The following SERINC4 variants were observed in gnomAD, a reference collection of about 807,000 sequenced individuals.
The protein encoded by SERINC4 is serine incorporator 4.
A neutral mutation model predicts 52.0 loss-of-function variants in SERINC4; 52 were observed. The observed-to-expected ratio is 1.00, with a 90% CI of 0.80 to 1.26. SERINC4 has a LOEUF of 1.26. SERINC4 is among the 50% of genes most tolerant of loss of function. The probability of loss-of-function intolerance (pLI) is 0.00; values close to 1 mark genes in which losing one functional copy is unlikely to be tolerated. For synonymous variants in SERINC4, 264 were observed against 247.7 expected, an observed-to-expected ratio of 1.07 and a Z score of -0.62; for missense variants, 723 against 632.8, an observed-to-expected ratio of 1.14 and a Z score of -1.53.
intron 3 of SERINC4, chr15:43,798,712 A>T: frequency 3.2e-6 from 2 of 624,078 alleles, no homozygotes; most frequent in Non-Finnish European, 5.7e-6. Context: ...ACTTAATAGC[A>T]TCTGGGCAAT....
chr15:43,796,177 T>A lies in SERINC4; in HGVS notation c.1118A>T (p.Lys373Met). Residue 373 changes from lysine to methionine, a missense_variant, in exon 9 of 12, where the codon AAG (lysine) becomes ATG (methionine). Transcript: ENST00000319327. ...CACCTGAAACTCATAGCTGTAAACC[T>A]TGACAATCCACAGGGGTCCAAATAC... ...AEVFGPLWIV[K>M]VYSYEFQKPS... 1.2e-6 allele frequency: 2 copies of A among 1,613,832 alleles called. No individual in the cohort carries two copies. Among genetic ancestry groups the A allele is most frequent in the Non-Finnish European group, 1.7e-6 (2 of 1,179,728 alleles).
intron 1 of SERINC4, 151 bp downstream of exon 1, chr15:43,799,734 G>A (rs2087282658): frequency 1.2e-6 from 1 of 822,924 alleles, no homozygotes. Context: ...TAAACACCTG[G>A]GGCTGGAAAC....
Position 43,796,854 on chromosome 15 carries a change from G to C in SERINC4, c.931C>G (p.Pro311Ala), listed in dbSNP as rs1400491150. ...AGGTCCTGTCCCTTACCTCTCTCTGGAGGACGGCTGGACAGTGCAGAGAAA... is the reference window on the plus strand; with the variant it reads ...AGGTCCTGTCCCTTACCTCTCTCTGCAGGACGGCTGGACAGTGCAGAGAAA... ...LTFSALSSRP[P>A]ERVILQGQNH... The change falls in exon 7 of 12, where the codon CCA (proline) becomes GCA (alanine). Residue 311 changes from proline (P) to alanine (A), a missense_variant. Physicochemically the swap from Pro to Ala is conservative, Grantham distance 27. Transcript: ENST00000319327. The C allele has an allele frequency of 1.2e-6, 2 of 1,614,020 alleles. No homozygotes were observed. The highest frequency in any genetic ancestry group is 3.3e-5 in the Admixed American group (2 of 60,012).
Position 43,799,327 on chromosome 15 carries a change from A to T in SERINC4, c.262T>A (p.Trp88Arg). 1 of 1,550,870 alleles carries T rather than the reference A, an allele frequency of 6.4e-7. No homozygotes were observed. The highest frequency in any genetic ancestry group is 8.7e-7 in the Non-Finnish European group (1 of 1,147,030). The change falls in exon 2 of 12, where the codon TGG becomes AGG. Residue 88 changes from tryptophan to arginine, a missense_variant. Physicochemically the swap from Trp to Arg is moderately radical, Grantham distance 101. Coordinates refer to ENST00000319327, the MANE Select transcript of SERINC4 (RefSeq NM_001258031.2). Reference sequence around the variant, plus strand: ...TCACTTACCCTGTGTGTCTTGCCCCACACCCTTTCCACTACTGTCCTTGAC... The same window carrying T: ...TCACTTACCCTGTGTGTCTTGCCCCTCACCCTTTCCACTACTGTCCTTGAC... ...LLSRTVVERV[W>R]GKTHRIQMPS... is the part of the protein sequence containing the mutation.
At chr15:43,799,529 TGAG>T in intron 1 of SERINC4, 43 bp from the exon 2 acceptor site, 1 of 1,550,094 alleles carries the variant, frequency 6.5e-7, no homozygotes, top group African/African-American at 1.4e-5. Flanking sequence ...GGAGACTTGC[TGAG>T]GAAAGGCATA....
chr15:43,796,113 G>A, intron 9 of SERINC4, 42 bp downstream of exon 9: 1 of 1,381,422 alleles, frequency 7.2e-7, no homozygotes, highest in Non-Finnish European at 1.0e-6. Context: ...TCTTTGTGTG[G>A]GGGAGGGAGG....
intron 10 of SERINC4, 63 bp from the exon 11 acceptor site, chr15:43,795,604 A>C (rs1003946517): frequency 1.2e-6 from 2 of 1,611,710 alleles, no homozygotes; most frequent in Admixed American, 1.7e-5. Context: ...CTCTCCCCCA[A>C]CTACCTTTGT....
Position 43,794,833 on chromosome 15 carries a change from G to C in SERINC4, c.*167C>G. 1.6e-6 allele frequency: 1 copy of C among 610,664 alleles called. No individual in the cohort carries two copies. The highest frequency in any genetic ancestry group is 2.9e-6 in the Non-Finnish European group (1 of 346,846). The allele number at this position is 610,664 out of a possible 1,614,324, so 37.8% of individuals were successfully genotyped here. A position where few individuals can be genotyped will look rare whatever the true frequency, so the allele number is the denominator to read the frequency against. ...TCCAGTGAGTCAGACACTCTGCCCA[G>C]CACATTAGACTGTGTTTGACCACTT... On this transcript the variant is annotated 3_prime_UTR_variant, in exon 12 of 12. Transcript: ENST00000319327.
chr15:43,798,380 A>C, intron 4 of SERINC4, 45 bp downstream of exon 4: 4 of 1,426,628 alleles, frequency 2.8e-6, no homozygotes, highest in Non-Finnish European at 4.0e-6. Context: ...TTGTTATCTT[A>C]GAAAACTTAG....
At chr15:43,796,351 C>A in intron 8 of SERINC4, 124 bp from the exon 9 acceptor site, 1 of 800,324 alleles carries the variant, frequency 1.2e-6, no homozygotes, top group Non-Finnish European at 2.0e-6. Flanking sequence ...CCCTTTTCCA[C>A]CAAAGATTTA....
chr15:43,795,427 G>A lies in SERINC4; in HGVS notation c.1304C>T (p.Ala435Val). 6.2e-7 allele frequency: 1 copy of A among 1,614,190 alleles called. No individual in the cohort carries two copies. Among genetic ancestry groups the A allele is most frequent in the South Asian group, 1.1e-5 (1 of 91,086 alleles). Residue 435 changes from alanine to valine, a missense_variant, in exon 11 of 12, where the codon GCC (alanine) becomes GTC (valine). Ala to Val is a moderately conservative substitution (Grantham distance 64). Coordinates refer to ENST00000319327, the MANE Select transcript of SERINC4 (RefSeq NM_001258031.2). ...YSAFHFVFFL[A>V]SLYVMVTLTN... ...AAGGGTAACCATGACATAGAGTGAG[G>A]CAAGGAAGAAGACGAAGTGGAAGGC...
chr15:43,799,533 G>GA, intron 1 of SERINC4, 47 bp from the exon 2 acceptor site: 1 of 1,549,312 alleles, frequency 6.5e-7, no homozygotes, highest in African/African-American at 1.4e-5. Flanking sequence ...ACTTGCTGAG[G>GA]AAAGGCATAC....
chr15:43,796,148 T>A lies in SERINC4; in HGVS notation c.1140+7A>T. On this transcript the variant is annotated splice_region_variant and intron_variant, in intron 9 of 11. Coordinates refer to ENST00000319327, the MANE Select transcript of SERINC4 (RefSeq NM_001258031.2). ...GGTGTTGGGGATATGGAGCTCTTTA[T>A]CCTCACCTGAAACTCATAGCTGTAA... The A allele has an allele frequency of 1.2e-6, 2 of 1,608,406 alleles. No individual in the cohort carries two copies. The highest frequency in any genetic ancestry group is 2.2e-5 in the South Asian group (2 of 90,956).
rs1567172512 is a variant in SERINC4, at chr15:43,799,093, A to G, written c.324T>C (p.Ser108=). Residue 108 remains serine, a synonymous_variant, in exon 3 of 12, where the codon TCT becomes TCC. Coordinates refer to ENST00000319327, the MANE Select transcript of SERINC4 (RefSeq NM_001258031.2). ...CAGAGCCACTGAGCACTGGACAGTC[A>G]GAGAGGCCAAACAGGTGGGCACACA... ...SGLCAHLFGL[S]DCPVLSGSGA... 1 of 1,550,366 alleles carries G rather than the reference A, an allele frequency of 6.5e-7. No homozygotes were observed. Among genetic ancestry groups the G allele is most frequent in the East Asian group, 2.4e-5 (1 of 40,908 alleles).
At chr15:43,798,254 T>G in intron 4 of SERINC4, 171 bp downstream of exon 4, 2 of 646,988 alleles carry the variant, frequency 3.1e-6, no homozygotes, top group Non-Finnish European at 5.6e-6. Flanking sequence ...TTTCACCATG[T>G]TAGCCAGGAT....
In SERINC4 at chr15:43,795,380, C is replaced by T; in HGVS notation, c.1343+8G>A. ...TCAGGAGAGTATCTAAGGCCCACTCCATCTTACCTGAACCAGTTGGTAAGG... is the reference window on the plus strand; with the variant it reads ...TCAGGAGAGTATCTAAGGCCCACTCTATCTTACCTGAACCAGTTGGTAAGG... On this transcript the variant is annotated splice_region_variant and intron_variant, in intron 11 of 11. Transcript: ENST00000319327. The T allele has an allele frequency of 4.3e-6, 7 of 1,614,122 alleles. No homozygotes were observed. The highest frequency in any genetic ancestry group is 5.1e-6 in the Non-Finnish European group (6 of 1,179,974).
In SERINC4 at chr15:43,799,428, A is replaced by G; in HGVS notation, c.161T>C (p.Leu54Pro). 1 of 1,550,780 alleles carries G rather than the reference A, an allele frequency of 6.4e-7. No homozygotes were observed. Among genetic ancestry groups the G allele is most frequent in the African/African-American group, 1.4e-5 (1 of 73,146 alleles). The change falls in exon 2 of 12, where the codon CTC (leucine) becomes CCC (proline). Residue 54 changes from leucine to proline, a missense_variant. Coordinates refer to ENST00000319327, the MANE Select transcript of SERINC4 (RefSeq NM_001258031.2). ...CAGGCGGCTGCAAGTGGATGCGGTG[A>G]GAGAGGGCCACCTAGAGTGGCAGCA... ...ASCCHSRWPS[L>P]TASTCSRLFY...
In SERINC4 at chr15:43,795,930, A is replaced by T. The variant is rs1477707171; in HGVS notation, c.1141-194T>A. The T allele has an allele frequency of 7.7e-6, 5 of 652,454 alleles. 1 individual carries two copies. Among genetic ancestry groups the T allele is most frequent in the South Asian group, 5.9e-5 (3 of 51,070 alleles). 40.4% of individuals were successfully genotyped at this position (652,454 alleles called of 1,614,324 possible). A position where few individuals can be genotyped will look rare whatever the true frequency, so the allele number is the denominator to read the frequency against. On this transcript the variant is annotated intron_variant, in intron 9 of 11. Transcript: ENST00000319327. ...TAATCTTTTGTGCCTCGATTTCTCC[A>T]TTTGTAAAATGGAGCAAATACCTAC...
chr15:43,797,100 T>A, intron 6 of SERINC4, 45 bp downstream of exon 6: 1 of 1,525,682 alleles, frequency 6.6e-7, no homozygotes, highest in Non-Finnish European at 8.9e-7. Flanking sequence ...CTTGCTATGC[T>A]TTTAAGGCCC....
Sources: gnomAD v4.1 joint callset for allele counts on GRCh38, gnomAD v4.1.1 for gene constraint, MANE v1.5 for transcripts, NCBI Gene and HGNC (gene_info 2026-07-23, HGNC 2026-07-21) for gene names.